The following FHOD3 variants were observed in gnomAD, a reference collection of about 807,000 sequenced individuals.
FHOD3 encodes the protein formin homology 2 domain containing 3.
In FHOD3, 90 loss-of-function variants were observed where a neutral mutation model predicts 173.0. The ratio of observed to expected loss-of-function variants is 0.52; its 90% CI spans 0.44 to 0.62. The LOEUF is 0.62. FHOD3 is among the 20% of genes least tolerant of loss of function. FHOD3 has a pLI of 0.00. For missense variants in FHOD3, 1,945 were observed against 2,034.7 expected, an observed-to-expected ratio of 0.96 and a Z score of 0.85; for synonymous variants, 828 against 823.0, an observed-to-expected ratio of 1.01 and a Z score of -0.10.
intron 7 of FHOD3, among the ~76,000 whole-genome samples, chr18:36,599,559 T>G (rs2031046824): frequency 6.6e-6 from 1 of 152,204 alleles, no homozygotes; most frequent in Non-Finnish European, 1.5e-5. Context: ...TGAAAAGACA[T>G]GGAACATGCT....
At chr18:36,526,083 T>C (rs1311616848) in intron 5 of FHOD3, among the ~76,000 whole-genome samples, 1 of 152,224 alleles carries the variant, frequency 6.6e-6, no homozygotes, top group Non-Finnish European at 1.5e-5. Flanking sequence ...CAGTGTTCTT[T>C]GCATCTCCTG....
chr18:36,628,984 A>G (rs539609874), intron 10 of FHOD3, among the ~76,000 whole-genome samples: 2 of 152,308 alleles, frequency 1.3e-5, no homozygotes, highest in South Asian at 4.1e-4. Flanking sequence ...TTTCCACACA[A>G]CATTCCAAAC....
intron 18 of FHOD3, among the ~76,000 whole-genome samples, chr18:36,716,914 A>ATGTGTG (rs57041859): frequency 0.025 from 3,397 of 136,816 alleles, 133 homozygotes; most frequent in African/African-American, 0.078. Context: ...ATATATGTGT[A>ATGTGTG]TGTGTGTGTG....
At chr18:36,687,253 C>A in intron 16 of FHOD3, 75 bp downstream of exon 16, 1 of 1,110,914 alleles carries the variant, frequency 9.0e-7, no homozygotes, top group Non-Finnish European at 1.3e-6. Flanking sequence ...TGCAGAGAGA[C>A]TGTCGATTAA....
chr18:36,653,192 T>C (rs2036183161), intron 12 of FHOD3, 150 bp from the exon 13 acceptor site: 1 of 711,252 alleles, frequency 1.4e-6, no homozygotes, highest in Middle Eastern at 2.4e-4. Context: ...GGTTTTTAAA[T>C]GTAAGGTTTA....
At chr18:36,729,842 G>T in intron 19 of FHOD3, among the ~76,000 whole-genome samples, 1 of 152,152 alleles carries the variant, frequency 6.6e-6, no homozygotes. Context: ...GCTAATTCTG[G>T]GCTGGCTGCA....
At chr18:36,652,950 G>T in intron 12 of FHOD3, 21 bp downstream of exon 12, 1 of 1,516,694 alleles carries the variant, frequency 6.6e-7, no homozygotes, top group Non-Finnish European at 8.8e-7. Flanking sequence ...TCACCTGGAG[G>T]CTTGTTTGAG....
chr18:36,432,425 T>G (rs900281259), intron 3 of FHOD3, among the ~76,000 whole-genome samples: 11 of 152,184 alleles, frequency 7.2e-5, no homozygotes. Flanking sequence ...AAATCACCAG[T>G]GTAAGACTCT....
At chr18:36,627,372 A>T (rs1398104170) in intron 10 of FHOD3, among the ~76,000 whole-genome samples, 1 of 152,024 alleles carries the variant, frequency 6.6e-6, no homozygotes. Flanking sequence ...TTGCTGTTAC[A>T]CTTTTCGAGG....
chr18:36,387,865 C>T (rs559418581), intron 3 of FHOD3, among the ~76,000 whole-genome samples: 2 of 152,092 alleles, frequency 1.3e-5, no homozygotes, highest in East Asian at 3.9e-4. Context: ...TCCTGCTTGC[C>T]AGTGAGACTG....
At chr18:36,650,793 C>T (rs965393771) in intron 11 of FHOD3, among the ~76,000 whole-genome samples, 7 of 152,290 alleles carry the variant, frequency 4.6e-5, no homozygotes, top group Middle Eastern at 3.4e-3. Flanking sequence ...CTGGAAAAGG[C>T]GGCCTTCAAA....
chr18:36,394,573 A>C lies in FHOD3; in HGVS notation c.337+21829A>C, dbSNP rs113566219. On this transcript the variant is annotated intron_variant, in intron 3 of 28. Coordinates refer to ENST00000590592, the MANE Select transcript of FHOD3 (RefSeq NM_001281740.3). ...GATGGGTTTCAATCAGTTGCACTTA[A>C]TGTACTTGAAGTTTGAGTTGTCCCA... 1.3e-3 allele frequency among the ~76,000 whole-genome samples: 197 copies of C among 152,278 alleles called. 2 individuals are homozygous for C. Among genetic ancestry groups the C allele is most frequent in the African/African-American group, 4.5e-3 (185 of 41,564 alleles).
chr18:36,764,161 C>T (rs892273071), intron 27 of FHOD3, among the ~76,000 whole-genome samples: 1 of 152,058 alleles, frequency 6.6e-6, no homozygotes. Context: ...ACCTCCATTC[C>T]AGGAAGTGAT....
At chr18:36,562,760 TTTAG>T (rs2058131925) in intron 5 of FHOD3, among the ~76,000 whole-genome samples, 2 of 152,160 alleles carry the variant, frequency 1.3e-5, no homozygotes, top group South Asian at 4.1e-4. Context: ...AATAGTTTGG[TTTAG>T]CATTGAGCAG....
intron 5 of FHOD3, among the ~76,000 whole-genome samples, chr18:36,561,457 G>A (rs953251150): frequency 5.9e-5 from 9 of 152,136 alleles, no homozygotes; most frequent in Admixed American, 2.6e-4. Context: ...ACACGTCCAA[G>A]TCAGGAGGCC....
At chr18:36,627,233 T>C (rs1184657250) in intron 10 of FHOD3, among the ~76,000 whole-genome samples, 2 of 152,172 alleles carry the variant, frequency 1.3e-5, no homozygotes, top group African/African-American at 4.8e-5. Flanking sequence ...ATTGAGGAAA[T>C]TGTACACAAT....
chr18:36,551,034 G>A (rs1045099955), intron 5 of FHOD3, among the ~76,000 whole-genome samples: 1 of 152,174 alleles, frequency 6.6e-6, no homozygotes, highest in Admixed American at 6.5e-5. Flanking sequence ...CATTAAGTAT[G>A]ATGTTATCTG....
At chr18:36,594,357 G>C (rs2029931176) in intron 6 of FHOD3, among the ~76,000 whole-genome samples, 1 of 152,108 alleles carries the variant, frequency 6.6e-6, no homozygotes, top group Admixed American at 6.5e-5. Context: ...GACTTTGGAT[G>C]ACTTGTTTAA....
intron 1 of FHOD3, among the ~76,000 whole-genome samples, chr18:36,333,229 A>G (rs2045115818): frequency 6.6e-6 from 1 of 152,102 alleles, no homozygotes; most frequent in Non-Finnish European, 1.5e-5. Context: ...ATCGGGTTCT[A>G]ATTTTTACTT....
Sources: allele counts gnomAD v4.1 joint callset (sites outside exome capture counted in the v4.1 genomes callset), GRCh38; gene constraint gnomAD v4.1.1; transcripts MANE v1.5; gene names NCBI Gene and HGNC (gene_info 2026-07-23, HGNC 2026-07-21).